Variants in CDH23 observed in about 807,000 individuals in gnomAD.
The protein encoded by CDH23 is cadherin-23.
Under a neutral mutation model 317.1 loss-of-function variants are expected in CDH23, and 189 were observed. The ratio of observed to expected loss-of-function variants is 0.60; its 90% CI spans 0.53 to 0.67. The LOEUF (loss-of-function observed/expected upper bound fraction) is 0.67. CDH23 is among the 30% of genes least tolerant of loss of function. The pLI is 0.00. For synonymous variants in CDH23, 1,839 were observed against 1,876.8 expected (o/e 0.98, Z 0.52); for missense variants, 4,401 against 4,592.4 (o/e 0.96, Z 1.20).
At chr10:71,489,047 ACTATGAC>A (rs1230098914) in intron 3 of CDH23, among the ~76,000 whole-genome samples, 3 of 152,162 alleles carry the variant, frequency 2.0e-5, no homozygotes, top group Non-Finnish European at 4.4e-5. Flanking sequence ...CTGAAGTTTT[ACTATGAC>A]CTATCTGGGT....
chr10:71,782,987 A>G (rs1317718024), intron 41 of CDH23, among the ~76,000 whole-genome samples: 2 of 152,166 alleles, frequency 1.3e-5, no homozygotes, highest in African/African-American at 4.8e-5. Context: ...AGAGACAGGC[A>G]GAGAAAACTG....
rs113390564 is a variant in CDH23, at chr10:71,448,849, G to A, written c.145+2454G>A. ...ATGGTGGGTATGGACTCACATGGAC[G>A]TGTGGGCTCCATGGGTGCAGGCCTC... On this transcript the variant is annotated intron_variant, in intron 3 of 69. Transcript: ENST00000224721. Among the ~76,000 whole-genome samples the A allele has an allele frequency of 7.5e-4, 114 of 152,276 alleles. 1 individual carries two copies. The highest frequency in any genetic ancestry group is 2.7e-3 in the African/African-American group (112 of 41,574).
chr10:71,815,350 C>T lies in CDH23; in HGVS notation c.*72C>T, dbSNP rs1842100535. 9 of 1,399,114 alleles carry T rather than the reference C, an allele frequency of 6.4e-6. No individual in the cohort carries two copies. The highest frequency in any genetic ancestry group is 8.6e-6 in the Non-Finnish European group (9 of 1,047,378). 86.7% of individuals were successfully genotyped at this position (1,399,114 alleles called of 1,614,324 possible). On this transcript the variant is annotated 3_prime_UTR_variant, in exon 70 of 70. Transcript: ENST00000224721. ...CCCTCCCAGGGAGCAAGGGCAGGGA[C>T]AGGGCCGGTCGGGGGGGACCCTCCA...
At position 71,595,755 on chromosome 10, in the gene CDH23, C is replaced by T. The variant is rs548548488; in HGVS notation, c.832+17763C>T. 6.6e-5 allele frequency among the ~76,000 whole-genome samples: 10 copies of T among 152,298 alleles called. No homozygotes were observed. In the South Asian group the frequency reaches 2.1e-3, roughly 32 times the overall value. On this transcript the variant is annotated intron_variant, in intron 9 of 69. Transcript: ENST00000224721. ...TTGCCTCCCACTGTACCCTGAGAAC[C>T]AGAGGCCCAGCCTTGATGTGGCCTG...
chr10:71,613,527 G>A (rs1861024327), intron 9 of CDH23, among the ~76,000 whole-genome samples: 1 of 152,196 alleles, frequency 6.6e-6, no homozygotes, highest in Non-Finnish European at 1.5e-5. Context: ...AGTGGACTGG[G>A]AGGACAGGTG....
chr10:71,701,133 C>T (rs1258698239), intron 22 of CDH23, among the ~76,000 whole-genome samples: 2 of 152,148 alleles, frequency 1.3e-5, no homozygotes, highest in East Asian at 1.9e-4. Flanking sequence ...TAAGGGGCCA[C>T]CTCAGGAGCC....
chr10:71,680,595 A>G (rs1864580220), intron 17 of CDH23, among the ~76,000 whole-genome samples: 1 of 151,740 alleles, frequency 6.6e-6, no homozygotes, highest in Admixed American at 6.6e-5. Context: ...TAAAAATACA[A>G]AAATTGGCCA....
chr10:71,604,687 G>T (rs1860426546), intron 9 of CDH23, among the ~76,000 whole-genome samples: 1 of 152,232 alleles, frequency 6.6e-6, no homozygotes, highest in Non-Finnish European at 1.5e-5. Context: ...CAGCAGGAGT[G>T]CCCTCTTCCT....
intron 1 of CDH23, among the ~76,000 whole-genome samples, chr10:71,406,859 C>G (rs1454299572): frequency 6.6e-6 from 1 of 152,184 alleles, no homozygotes; most frequent in East Asian, 1.9e-4. Flanking sequence ...CTTTGGCAAG[C>G]TGCATGTGGC....
chr10:71,751,766 G>A lies in CDH23; in HGVS notation c.4845+9845G>A. On this transcript the variant is annotated intron_variant, in intron 38 of 69. Coordinates refer to ENST00000224721, the MANE Select transcript of CDH23 (RefSeq NM_022124.6). The surrounding 1 kb of genome is among the most constrained non-coding windows in gnomAD (Gnocchi z 4.9). ...CCCAGACTCAGAAGGCTGCCGCTGG[G>A]CCACATAGGACAGGGGGTGCCTGAC... 1.2e-6 allele frequency: 2 copies of A among 1,604,414 alleles called. No individual in the cohort carries two copies. Among genetic ancestry groups the A allele is most frequent in the East Asian group, 2.2e-5 (1 of 44,686 alleles).
intron 6 of CDH23, among the ~76,000 whole-genome samples, chr10:71,531,559 C>T (rs1855376736): frequency 6.6e-6 from 1 of 152,132 alleles, no homozygotes; most frequent in Non-Finnish European, 1.5e-5. Flanking sequence ...AGTGACTGCT[C>T]TGTGCTCATT....
chr10:71,468,328 C>T (rs1031363418), intron 3 of CDH23, among the ~76,000 whole-genome samples: 1 of 152,176 alleles, frequency 6.6e-6, no homozygotes, highest in South Asian at 2.1e-4. Flanking sequence ...ATGATAAATG[C>T]AGGGTCTTTG....
At chr10:71,416,330 C>G (rs952274748) in intron 1 of CDH23, among the ~76,000 whole-genome samples, 51 of 152,268 alleles carry the variant, frequency 3.3e-4, no homozygotes, top group Non-Finnish European at 5.1e-4. Context: ...CAGCTATAGC[C>G]TGTATTCTTA....
chr10:71,610,148 C>T (rs1207814233), intron 9 of CDH23, among the ~76,000 whole-genome samples: 1 of 152,258 alleles, frequency 6.6e-6, no homozygotes, highest in Non-Finnish European at 1.5e-5. Context: ...GAATTATAGG[C>T]ACCTGCCAGC....
At chr10:71,786,487 TC>T (rs1300769531) in intron 44 of CDH23, among the ~76,000 whole-genome samples, 23 of 124,978 alleles carry the variant, frequency 1.8e-4, no homozygotes, top group African/African-American at 7.4e-4. Context: ...TGCTTCCTAC[TC>T]TTTTTTTTTT....
chr10:71,789,009 T>A lies in CDH23; in HGVS notation c.5890T>A (p.Tyr1964Asn). ...DNHPLFTKST[Y>N]QAEVMENSPA... ...CCACCCCCTCTTCACTAAAAGCACCTACCAGGCAGAGGTGATGGAAAACTC... is the reference window on the plus strand; with the variant it reads ...CCACCCCCTCTTCACTAAAAGCACCAACCAGGCAGAGGTGATGGAAAACTC... The change falls in exon 45 of 70, where the codon TAC becomes AAC. Residue 1964 changes from tyrosine to asparagine, a missense_variant. By Grantham distance (143) the Tyr-to-Asn change is moderately radical. This residue lies in a region of CDH23 where 3,068 missense variants were observed against 3,203.3 expected (regional missense o/e 0.96). Transcript: ENST00000224721. 1 of 1,596,752 alleles carries A rather than the reference T, an allele frequency of 6.3e-7. No homozygotes were observed. The highest frequency in any genetic ancestry group is 8.6e-7 in the Non-Finnish European group (1 of 1,164,194).
chr10:71,490,112 A>G (rs1212678697), intron 3 of CDH23, among the ~76,000 whole-genome samples: 3 of 152,072 alleles, frequency 2.0e-5, no homozygotes, highest in Non-Finnish European at 4.4e-5. Context: ...CGGGGACTGT[A>G]ATAATGAAAA....
chr10:71,437,259 C>T (rs1849662769), intron 1 of CDH23, among the ~76,000 whole-genome samples: 1 of 152,112 alleles, frequency 6.6e-6, no homozygotes, highest in East Asian at 1.9e-4. Flanking sequence ...TTTAATTGAC[C>T]CAGCACTCCC....
rs141897067 is a variant in CDH23 at position 71,543,600 on chromosome 10, A to G, written c.430-23142A>G. 3.8e-3 allele frequency among the ~76,000 whole-genome samples: 573 copies of G among 152,292 alleles called. 3 individuals carry two copies. The highest frequency in any genetic ancestry group is 0.013 in the African/African-American group (557 of 41,556). ...GGAAGTCAACCATTTTTTTTCCATC[A>G]GCAATCTGAATTTTACAAGTCCTCA... On this transcript the variant is annotated intron_variant, in intron 6 of 69. Coordinates refer to ENST00000224721, the MANE Select transcript of CDH23 (RefSeq NM_022124.6).
Sources: allele counts gnomAD v4.1 joint callset (sites outside exome capture counted in the v4.1 genomes callset), GRCh38; gene constraint gnomAD v4.1.1; regional missense constraint gnomAD v4.1.1; non-coding constraint Gnocchi (gnomAD v3.1); transcripts MANE v1.5; gene names NCBI Gene and HGNC (gene_info 2026-07-23, HGNC 2026-07-21).